SIK3: variants seen among roughly 807,000 people sequenced by gnomAD.
SIK3 encodes serine/threonine-protein kinase SIK3.
In SIK3, 28 loss-of-function variants were observed where a neutral mutation model predicts 144.2. The observed-to-expected ratio is 0.19, with a 90% CI of 0.14 to 0.27. The LOEUF (loss-of-function observed/expected upper bound fraction) is 0.27. Ranked by LOEUF, SIK3 falls within the 10% of genes least tolerant of loss-of-function variation. The pLI, the probability that SIK3 is intolerant of heterozygous loss-of-function variation, is 1.00. For synonymous variants in SIK3, 686 were observed against 676.3 expected, an observed-to-expected ratio of 1.01 and a Z score of -0.22; for missense variants, 1,319 against 1,776.0, an observed-to-expected ratio of 0.74 and a Z score of 4.62.
chr11:116,847,740 T>G (rs1361470472), intron 22 of SIK3, 132 bp from the exon 23 acceptor site: 2 of 1,032,940 alleles, frequency 1.9e-6, no homozygotes, highest in Non-Finnish European at 2.9e-6. Flanking sequence ...CTCCTTCCTC[T>G]AAAGCACCAC....
Position 116,845,379 on chromosome 11 carries a change from C to G in SIK3, c.*264G>C, listed in dbSNP as rs1429816164. ...CCCAAACAAAACAAAAAACCACCAA[C>G]TCAAATATACTTTCACAAAAGATGG... On this transcript the variant is annotated 3_prime_UTR_variant, in exon 25 of 25. Coordinates refer to ENST00000445177, the MANE Select transcript of SIK3 (RefSeq NM_001366686.3). 2 of 152,188 alleles carry G rather than the reference C, an allele frequency of 1.3e-5. No individual in the cohort carries two copies. 9.4% of individuals were successfully genotyped at this position (152,188 alleles called of 1,614,324 possible). A position where few individuals can be genotyped will look rare whatever the true frequency, so the allele number is the denominator to read the frequency against.
intron 6 of SIK3, among the ~76,000 whole-genome samples, chr11:116,887,444 C>G (rs946702738): frequency 1.3e-5 from 2 of 151,810 alleles, no homozygotes; most frequent in African/African-American, 2.4e-5. Context: ...TGACGAGACC[C>G]CGTCTCCACT....
chr11:116,934,846 G>A (rs1947821902), intron 3 of SIK3, among the ~76,000 whole-genome samples: 1 of 152,128 alleles, frequency 6.6e-6, no homozygotes, highest in Admixed American at 6.5e-5. Flanking sequence ...TTGGGAGGCA[G>A]AGGTAGGTGG....
chr11:117,060,388 G>A (rs1381838666), intron 1 of SIK3, among the ~76,000 whole-genome samples: 1 of 152,006 alleles, frequency 6.6e-6, no homozygotes, highest in Non-Finnish European at 1.5e-5. Context: ...CCTGAGATCA[G>A]GAGTTCGAGA....
chr11:116,861,850 T>G lies in SIK3; in HGVS notation c.2306A>C (p.Gln769Pro). Residue 769 changes from glutamine to proline, a missense_variant, in exon 18 of 25, where the codon CAG becomes CCG. Physicochemically the swap from Gln to Pro is moderately conservative, Grantham distance 76 (BLOSUM62 -1). This residue lies in a region of SIK3 where 77 missense variants were observed against 141.9 expected (regional missense o/e 0.54). Transcript: ENST00000445177. ...CENQPALLTH[Q>P]LQRLRIQPSS... ...ACAAAATGACTCATACCTCTGGAGC[T>G]GATGGGTAAGGAGGGCTGGCTGATT... 1 of 1,610,508 alleles carries G rather than the reference T, an allele frequency of 6.2e-7. No individual in the cohort carries two copies. The highest frequency in any genetic ancestry group is 8.5e-7 in the Non-Finnish European group (1 of 1,177,854).
chr11:116,881,432 G>A (rs2134616732), intron 6 of SIK3, among the ~76,000 whole-genome samples: 1 of 152,288 alleles, frequency 6.6e-6, no homozygotes, highest in South Asian at 2.1e-4. Context: ...GCGCTGCCAG[G>A]CATTTGGATG....
intron 1 of SIK3, among the ~76,000 whole-genome samples, chr11:117,011,880 C>T (rs889667850): frequency 2.0e-5 from 3 of 152,146 alleles, no homozygotes; most frequent in South Asian, 2.1e-4. Flanking sequence ...CTCCAGCCTA[C>T]GCAATAGAGA....
At chr11:116,992,040 G>A (rs996964884) in intron 1 of SIK3, among the ~76,000 whole-genome samples, 3 of 151,868 alleles carry the variant, frequency 2.0e-5, no homozygotes, top group East Asian at 1.9e-4. Context: ...CAAAAAACTC[G>A]TGGCCGGGCA....
In SIK3 at chr11:117,047,611, T is replaced by C. The variant is rs192800428; in HGVS notation, c.273+50532A>G. On this transcript the variant is annotated intron_variant, in intron 1 of 24. Transcript: ENST00000445177. ...GATCATGGTTCTAAAGCACCAGACT[T>C]GGTTCATTTATCGGAACTCAGTAAA... Among the ~76,000 whole-genome samples the C allele has an allele frequency of 5.5e-3, 832 of 152,276 alleles. 13 individuals carry two copies. The highest frequency in any genetic ancestry group is 0.031 in the Middle Eastern group (9 of 292).
At chr11:116,930,035 ATCAC>A (rs1246899737) in intron 3 of SIK3, among the ~76,000 whole-genome samples, 2 of 152,062 alleles carry the variant, frequency 1.3e-5, no homozygotes, top group Non-Finnish European at 2.9e-5. Flanking sequence ...AGATAAACAA[ATCAC>A]TTTTTTTTTT....
intron 1 of SIK3, among the ~76,000 whole-genome samples, chr11:117,048,006 C>T (rs1379672606): frequency 6.6e-6 from 1 of 152,088 alleles, no homozygotes; most frequent in Non-Finnish European, 1.5e-5. Context: ...TTAGGCAAAT[C>T]TTATTCTTTC....
chr11:116,880,922 G>A (rs1285713439), intron 6 of SIK3, among the ~76,000 whole-genome samples: 6 of 152,062 alleles, frequency 3.9e-5, no homozygotes, highest in African/African-American at 9.7e-5. Flanking sequence ...CTAGGAGTTC[G>A]AGACCAGCCT....
At chr11:117,038,821 G>A (rs1322884163) in intron 1 of SIK3, among the ~76,000 whole-genome samples, 5 of 151,786 alleles carry the variant, frequency 3.3e-5, no homozygotes, top group Non-Finnish European at 5.9e-5. Flanking sequence ...AGGCGGAGGC[G>A]GGCATATCAT....
chr11:116,998,164 T>TA (rs1565540427), intron 1 of SIK3, among the ~76,000 whole-genome samples: 188 of 140,112 alleles, frequency 1.3e-3, no homozygotes, highest in African/African-American at 4.6e-3. Flanking sequence ...ATATGATAAT[T>TA]TAAAAAAAAA....
intron 21 of SIK3, among the ~76,000 whole-genome samples, chr11:116,856,232 CT>C (rs905391932): frequency 1.9e-4 from 29 of 151,840 alleles, no homozygotes; most frequent in African/African-American, 6.3e-4. Flanking sequence ...AGCTCATCTC[CT>C]TTTCATGCCA....
chr11:116,863,027 T>C (rs1943435243), intron 16 of SIK3, among the ~76,000 whole-genome samples: 2 of 151,466 alleles, frequency 1.3e-5, no homozygotes, highest in African/African-American at 2.4e-5. Context: ...TGAGCTGAGA[T>C]TGTGCCACTG....
chr11:116,996,105 C>T (rs955537500), intron 1 of SIK3, among the ~76,000 whole-genome samples: 1 of 152,062 alleles, frequency 6.6e-6, no homozygotes, highest in African/African-American at 2.4e-5. Flanking sequence ...GCCAGGAGTT[C>T]GAGACCTGCC....
chr11:116,850,652 G>A (rs1205986544), intron 21 of SIK3, among the ~76,000 whole-genome samples: 1 of 152,180 alleles, frequency 6.6e-6, no homozygotes, highest in Non-Finnish European at 1.5e-5. Flanking sequence ...TATATCTCAT[G>A]TATGTCTGTG....
rs1475417345 is a variant in SIK3 at position 116,858,022 on chromosome 11, G to A, written c.3443C>T (p.Ser1148Leu). Reference sequence around the variant, plus strand: ...GAAGCCATCCTTGGCCCCCTCACACGAGCAGTCCTCCTCCATGCTCTCTGA... The same window carrying A: ...GAAGCCATCCTTGGCCCCCTCACACAAGCAGTCCTCCTCCATGCTCTCTGA... ...MHSESMEEDCSCEGAKDGFQD... is the reference protein window; with the variant it reads ...MHSESMEEDCLCEGAKDGFQD... The change falls in exon 21 of 25, where the codon TCG becomes TTG. Residue 1148 changes from serine (S) to leucine (L), a missense_variant. By Grantham distance (145) the Ser-to-Leu change is moderately radical (BLOSUM62 -2). Transcript: ENST00000445177. The surrounding 1 kb of genome is among the most constrained non-coding windows in gnomAD (Gnocchi z 5.4). 2 of 1,613,960 alleles carry A rather than the reference G, an allele frequency of 1.2e-6. No individual in the cohort carries two copies. The highest frequency in any genetic ancestry group is 1.3e-5 in the African/African-American group (1 of 75,044).
Sources: gnomAD v4.1 joint callset for allele counts (sites outside exome capture counted in the v4.1 genomes callset) on GRCh38, gnomAD v4.1.1 for gene constraint, gnomAD v4.1.1 regional missense constraint, Gnocchi (gnomAD v3.1) non-coding constraint, MANE v1.5 for transcripts, NCBI Gene and HGNC (gene_info 2026-07-23, HGNC 2026-07-21) for gene names.